Variants in NALF1 observed in about 807,000 individuals in gnomAD.
NALF1 encodes family with sequence similarity 155 member A.
Under a neutral mutation model 48.4 loss-of-function variants are expected in NALF1, and 3 were observed. The observed-to-expected ratio is 0.06, with a 90% confidence interval of 0.03 to 0.16. The LOEUF (loss-of-function observed/expected upper bound fraction) is 0.16, where lower values mean the gene tolerates loss of function less well. NALF1 is among the 10% of genes least tolerant of loss of function. The pLI, the probability that NALF1 is intolerant of heterozygous loss-of-function variation, is 1.00. For missense variants in NALF1, 526 were observed against 571.5 expected, an observed-to-expected ratio of 0.92 and a Z score of 0.81; for synonymous variants, 262 against 245.7, an observed-to-expected ratio of 1.07 and a Z score of -0.62.
At chr13:107,526,962 A>G (rs939343936) in intron 1 of NALF1, among the ~76,000 whole-genome samples, 3 of 152,178 alleles carry the variant, frequency 2.0e-5, no homozygotes, top group African/African-American at 7.2e-5. Context: ...GTTTTGACAC[A>G]ATTGATCTTA....
At chr13:107,609,066 A>G (rs4550328) in intron 1 of NALF1, among the ~76,000 whole-genome samples, 30,627 of 152,024 alleles carry the variant, frequency 0.2, 3,262 homozygotes, top group Middle Eastern at 0.26. Context: ...AGGAAAGAAG[A>G]CTACCTTTTC....
intron 1 of NALF1, among the ~76,000 whole-genome samples, chr13:107,848,381 G>C (rs937711883): frequency 3.3e-5 from 5 of 152,180 alleles, no homozygotes; most frequent in African/African-American, 1.2e-4. Context: ...TATAAATGCA[G>C]AGTAAATGAT....
At chr13:107,222,794 C>T (rs888454308) in intron 1 of NALF1, among the ~76,000 whole-genome samples, 3 of 152,290 alleles carry the variant, frequency 2.0e-5, no homozygotes, top group East Asian at 1.9e-4. Flanking sequence ...GTGAACTCTC[C>T]GCAGGAGGGG....
intron 1 of NALF1, among the ~76,000 whole-genome samples, chr13:107,466,896 G>A (rs1885012895): frequency 6.6e-6 from 1 of 152,086 alleles, no homozygotes; most frequent in African/African-American, 2.4e-5. Flanking sequence ...GGAGTGTGTG[G>A]TCAATGTGCA....
chr13:107,488,319 C>T (rs1268452453), intron 1 of NALF1, among the ~76,000 whole-genome samples: 4 of 150,780 alleles, frequency 2.7e-5, no homozygotes, highest in Non-Finnish European at 5.9e-5. Flanking sequence ...TGCTAGCTTT[C>T]GGATTTGTTT....
intron 1 of NALF1, among the ~76,000 whole-genome samples, chr13:107,778,291 C>T (rs1447382097): frequency 6.6e-6 from 1 of 152,184 alleles, no homozygotes; most frequent in Admixed American, 6.5e-5. Flanking sequence ...TTTGGAGCAT[C>T]ATGCTTAAAT....
intron 1 of NALF1, among the ~76,000 whole-genome samples, chr13:107,749,087 A>G (rs1876860347): frequency 6.6e-6 from 1 of 151,890 alleles, no homozygotes; most frequent in Non-Finnish European, 1.5e-5. Context: ...GTGATGAGCT[A>G]AAATCAATTT....
intron 1 of NALF1, among the ~76,000 whole-genome samples, chr13:107,791,783 C>CG (rs980565845): frequency 6.6e-6 from 1 of 151,454 alleles, no homozygotes; most frequent in Non-Finnish European, 1.5e-5. Context: ...ATCCCCGCCC[C>CG]CCCCCGTCTC....
intron 1 of NALF1, among the ~76,000 whole-genome samples, chr13:107,533,817 C>G (rs1463489128): frequency 5.3e-5 from 8 of 152,104 alleles, no homozygotes; most frequent in African/African-American, 1.9e-4. Context: ...CCGTTAAGGT[C>G]TCAGGAAAAG....
chr13:107,683,130 G>C (rs181636608), intron 1 of NALF1, among the ~76,000 whole-genome samples: 2 of 152,120 alleles, frequency 1.3e-5, no homozygotes, highest in East Asian at 3.9e-4. Context: ...AGGTGTGGTA[G>C]AGTGCACCTG....
chr13:107,783,082 C>T (rs1466438346), intron 1 of NALF1, among the ~76,000 whole-genome samples: 1 of 137,736 alleles, frequency 7.3e-6, no homozygotes, highest in Admixed American at 7.1e-5. Context: ...CAGCCCCCTG[C>T]CCGGCCAGCC....
intron 1 of NALF1, among the ~76,000 whole-genome samples, chr13:107,629,857 T>C (rs934252479): frequency 1.3e-5 from 2 of 152,222 alleles, no homozygotes; most frequent in African/African-American, 2.4e-5. Flanking sequence ...TCTTATTTTC[T>C]TTCTGTTTTC....
chr13:107,673,323 A>G (rs775854272), intron 1 of NALF1, among the ~76,000 whole-genome samples: 4 of 152,088 alleles, frequency 2.6e-5, no homozygotes, highest in Admixed American at 6.6e-5. Flanking sequence ...GATGCACCAT[A>G]CCCCTCTTAT....
rs144698619 is a variant in NALF1 at position 107,556,430 on chromosome 13, C to T, written c.915+309252G>A. Among the ~76,000 whole-genome samples the T allele has an allele frequency of 3.5e-3, 538 of 151,748 alleles. 6 individuals carry two copies. The highest frequency in any genetic ancestry group is 0.012 in the African/African-American group (509 of 41,334). On this transcript the variant is annotated intron_variant, in intron 1 of 2. Coordinates refer to ENST00000375915, the MANE Select transcript of NALF1 (RefSeq NM_001080396.3). The stretch of plus-strand genomic sequence containing the variant: ...CCTAGTTTCCTTTAACATTAAAACT[C>T]GAGAACTTGAGGCCTTGCAGAGCCA...
intron 1 of NALF1, among the ~76,000 whole-genome samples, chr13:107,625,799 T>C (rs1456660683): frequency 6.6e-5 from 10 of 152,080 alleles, no homozygotes; most frequent in African/African-American, 1.9e-4. Flanking sequence ...AAAATGAAAA[T>C]TCATTTCTAC....
At chr13:107,678,358 G>T (rs959406094) in intron 1 of NALF1, among the ~76,000 whole-genome samples, 1 of 152,118 alleles carries the variant, frequency 6.6e-6, no homozygotes, top group Non-Finnish European at 1.5e-5. Flanking sequence ...ACAAAATCTA[G>T]AATGACCTAC....
At chr13:107,816,586 A>G (rs12874132) in intron 1 of NALF1, among the ~76,000 whole-genome samples, 25,438 of 152,010 alleles carry the variant, frequency 0.17, 3,292 homozygotes, top group African/African-American at 0.36. Context: ...TTATGGGAGT[A>G]TAAATCAAGA....
At chr13:107,622,009 T>C (rs1879529968) in intron 1 of NALF1, among the ~76,000 whole-genome samples, 1 of 152,028 alleles carries the variant, frequency 6.6e-6, no homozygotes, top group Admixed American at 6.6e-5. Context: ...TTTTTTTTCT[T>C]TGAAACTGAG....
At chr13:107,576,670 C>T (rs2476503) in intron 1 of NALF1, among the ~76,000 whole-genome samples, 136,528 of 152,196 alleles carry the variant, frequency 0.9, 62,243 homozygotes, top group East Asian at 0.98. Flanking sequence ...GATCTGGACT[C>T]TGTGAAATTC....
Sources: gnomAD v4.1 joint callset for allele counts (sites outside exome capture counted in the v4.1 genomes callset) on GRCh38, gnomAD v4.1.1 for gene constraint, MANE v1.5 for transcripts, NCBI Gene and HGNC (gene_info 2026-07-23, HGNC 2026-07-21) for gene names.